CYP4B1: variants seen among roughly 807,000 people sequenced by gnomAD.
CYP4B1 encodes cytochrome P450 family 4 subfamily B member 1, also known as cytochrome P450 4B1.
CYP4B1 carries 45 observed loss-of-function variants against 54.0 expected under a neutral mutation model. The ratio of observed to expected loss-of-function variants is 0.83; its 90% confidence interval spans 0.66 to 1.07. The LOEUF is 1.07. Ranked by LOEUF, CYP4B1 falls within the 50% of genes least tolerant of loss-of-function variation. The pLI, the probability that CYP4B1 is intolerant of heterozygous loss-of-function variation, is 0.00. For synonymous variants in CYP4B1, 248 were observed against 247.5 expected (o/e 1.00, Z -0.02); for missense variants, 656 against 655.4 (o/e 1.00, Z -0.01).
At chr1:46,800,484 C>T (rs1224093015) in intron 1 of CYP4B1, among the ~76,000 whole-genome samples, 1 of 151,938 alleles carries the variant, frequency 6.6e-6, no homozygotes, top group Non-Finnish European at 1.5e-5. Flanking sequence ...GCACGCGCCA[C>T]CATGCCTAGC....
At chr1:46,811,065 T>G in intron 2 of CYP4B1, 75 bp from the exon 3 acceptor site, 1 of 1,603,744 alleles carries the variant, frequency 6.2e-7, no homozygotes, top group Non-Finnish European at 8.5e-7. Flanking sequence ...GGAGCTGAGG[T>G]TCCCACCCTA....
intron 1 of CYP4B1, among the ~76,000 whole-genome samples, chr1:46,807,702 G>A (rs1360683575): frequency 6.6e-6 from 1 of 152,236 alleles, no homozygotes; most frequent in East Asian, 1.9e-4. Context: ...TCTGCGTTCA[G>A]AGGCAGTGAG....
rs1679405124 is a variant in CYP4B1, at chr1:46,818,014, A to G, written c.1257A>G (p.Val419=). 1.9e-6 allele frequency: 3 copies of G among 1,614,160 alleles called. No individual in the cohort carries two copies. Among genetic ancestry groups the G allele is most frequent in the Non-Finnish European group, 2.5e-6 (3 of 1,180,008 alleles). Residue 419 remains valine, a synonymous_variant, in exon 10 of 12, where the codon GTA becomes GTG. Coordinates refer to ENST00000371923, the MANE Select transcript of CYP4B1 (RefSeq NM_001099772.2). The part of the protein sequence containing the change: ...HIYALHRNSA[V]WPDPEVFDSL... ...ATGCCCTCCATAGGAACAGTGCTGT[A>G]TGGCCCGACCCTGAGGTACCCTTTC...
At chr1:46,805,520 G>A (rs989412449) in intron 1 of CYP4B1, among the ~76,000 whole-genome samples, 1 of 152,212 alleles carries the variant, frequency 6.6e-6, no homozygotes, top group Admixed American at 6.5e-5. Context: ...ATGTACATGT[G>A]TAATGGTTTA....
Position 46,817,131 on chromosome 1 carries a change from G to A in CYP4B1, c.1157G>A (p.Arg386His), listed in dbSNP as rs767511721. Residue 386 changes from arginine (R) to histidine (H), a missense_variant, in exon 9 of 12, where the codon CGC becomes CAC. Transcript: ENST00000371923. ...TACCCACCTGTGCCCCAGGTGTACC[G>A]CCAGCTCAGCAAGCCTGTCACCTTT... is the stretch of plus-strand genomic sequence containing the variant. Reference protein sequence around the residue: ...RLYPPVPQVYRQLSKPVTFVD... With the variant: ...RLYPPVPQVYHQLSKPVTFVD... The A allele has an allele frequency of 4.9e-5, 79 of 1,614,060 alleles. No individual in the cohort carries two copies. Among genetic ancestry groups the A allele is most frequent in the South Asian group, 5.5e-5 (5 of 91,082 alleles).
chr1:46,813,517 C>G lies in CYP4B1; in HGVS notation c.531C>G (p.Ser177=), dbSNP rs917914481. The G allele has an allele frequency of 3.7e-6, 6 of 1,614,062 alleles. No individual in the cohort carries two copies. The highest frequency in any genetic ancestry group is 5.1e-6 in the Non-Finnish European group (6 of 1,180,046). ...AAGAGAAAGCTCGGGAGGGTAAGTC[C>G]TTTGACATCTTCTGCGATGTGGGTC... ...KWEEKAREGK[S]FDIFCDVGHM... is the part of the protein sequence containing the mutation. Residue 177 remains serine, a synonymous_variant, in exon 5 of 12, where the codon TCC becomes TCG. Coordinates refer to ENST00000371923, the MANE Select transcript of CYP4B1 (RefSeq NM_001099772.2).
intron 9 of CYP4B1, 62 bp from the exon 10 acceptor site, chr1:46,817,903 T>C: frequency 6.8e-7 from 1 of 1,469,250 alleles, no homozygotes; most frequent in South Asian, 1.1e-5. Context: ...ACTCTGACCT[T>C]ATGTGGAGGT....
intron 4 of CYP4B1, 132 bp from the exon 5 acceptor site, chr1:46,813,350 G>A: frequency 1.9e-6 from 2 of 1,071,794 alleles, no homozygotes; most frequent in Non-Finnish European, 2.8e-6. Context: ...GGGCAGGACA[G>A]GGACTGGGAG....
chr1:46,812,711 G>A, intron 4 of CYP4B1, 88 bp downstream of exon 4: 1 of 1,443,944 alleles, frequency 6.9e-7, no homozygotes, highest in Non-Finnish European at 9.5e-7. Context: ...AGAGTAGGTG[G>A]TGCTCTGCAG....
chr1:46,817,386 G>A (rs1679379637), intron 9 of CYP4B1: 2 of 614,324 alleles, frequency 3.3e-6, no homozygotes, highest in African/African-American at 1.8e-5. Flanking sequence ...AAATGGGGAT[G>A]AGAAGAGTAT....
rs752264492 is a variant in CYP4B1 at position 46,813,486 on chromosome 1, A to T, written c.500A>T (p.Lys167Met). 5.6e-6 allele frequency: 9 copies of T among 1,614,020 alleles called. No individual in the cohort carries two copies. The highest frequency in any genetic ancestry group is 7.6e-6 in the Non-Finnish European group (9 of 1,180,024). Residue 167 changes from lysine to methionine, a missense_variant, in exon 5 of 12, where the codon AAG becomes ATG. By Grantham distance (95) the Lys-to-Met change is moderately conservative (BLOSUM62 -1). Coordinates refer to ENST00000371923, the MANE Select transcript of CYP4B1 (RefSeq NM_001099772.2). ...CCTCCTATCCCTGGACTCCAGGACA[A>T]GTGGGAAGAGAAAGCTCGGGAGGGT... ...FTESTRIMLD[K>M]WEEKAREGKS...
rs765862813 is a variant in CYP4B1 at position 46,812,612 on chromosome 1, C to A, written c.484C>A (p.Arg162Ser). 1 of 1,613,882 alleles carries A rather than the reference C, an allele frequency of 6.2e-7. No homozygotes were observed. The highest frequency in any genetic ancestry group is 1.7e-5 in the Admixed American group (1 of 59,994). Residue 162 changes from arginine (R) to serine (S), a missense_variant, in exon 4 of 12, where the codon CGT becomes AGT. Physicochemically the swap from Arg to Ser is moderately radical, Grantham distance 110. Transcript: ENST00000371923. ...TGTGGCCGTGTTCACTGAGTCTACA[C>A]GTATCATGCTGGTGAGCTCCCTGTG... ...PYVAVFTEST[R>S]IMLDKWEEKA...
At position 46,811,146 on chromosome 1, in the gene CYP4B1, AG is replaced by A. The variant is rs1298938997; in HGVS notation, c.331del (p.Ala111ProfsTer40). ...AKAVYSRGDPKAPDVYDFFLQ... is the reference protein window; with the variant it reads ...AKAVYSRGDPXAPDVYDFFLQ... Reference sequence around the variant, plus strand: ...TGATTGTCTCCTCCTGCAGACCCTAAGGCCCCTGATGTGTATGACTTCTTCC... The same window carrying A: ...TGATTGTCTCCTCCTGCAGACCCTAAGCCCCTGATGTGTATGACTTCTTCC... On this transcript the variant is annotated frameshift_variant, in exon 3 of 12. Coordinates refer to ENST00000371923, the MANE Select transcript of CYP4B1 (RefSeq NM_001099772.2). LOFTEE classifies it high-confidence loss of function. 1 of 1,614,008 alleles carries A rather than the reference AG, an allele frequency of 6.2e-7. No individual in the cohort carries two copies. The highest frequency in any genetic ancestry group is 1.3e-5 in the African/African-American group (1 of 74,906).
chr1:46,801,889 G>C (rs1230620936), intron 1 of CYP4B1, among the ~76,000 whole-genome samples: 1 of 152,192 alleles, frequency 6.6e-6, no homozygotes, highest in Non-Finnish European at 1.5e-5. Context: ...GCAATGATGG[G>C]AGTAGGAAGG....
rs1317898179 is a variant in CYP4B1, at chr1:46,812,476, C to G, written c.368-20C>G. ...CAGGGCCTGGACTGACCAGCCCTCTCTCTCCCATCCCTTCCCCAGGGAGAG... is the reference window on the plus strand; with the variant it reads ...CAGGGCCTGGACTGACCAGCCCTCTGTCTCCCATCCCTTCCCCAGGGAGAG... On this transcript the variant is annotated intron_variant, in intron 3 of 11. Coordinates refer to ENST00000371923, the MANE Select transcript of CYP4B1 (RefSeq NM_001099772.2). 1 of 1,606,080 alleles carries G rather than the reference C, an allele frequency of 6.2e-7. No individual in the cohort carries two copies. Among genetic ancestry groups the G allele is most frequent in the Non-Finnish European group, 8.5e-7 (1 of 1,176,082 alleles).
At chr1:46,818,556 T>C in intron 11 of CYP4B1, 75 bp from the exon 12 acceptor site, 1 of 1,455,428 alleles carries the variant, frequency 6.9e-7, no homozygotes, top group South Asian at 1.2e-5. Flanking sequence ...TGACTTTTGT[T>C]GGCTGCTAAG....
rs544482905 is a variant in CYP4B1 at position 46,804,414 on chromosome 1, G to A, written c.180+5153G>A. On this transcript the variant is annotated intron_variant, in intron 1 of 11. Transcript: ENST00000371923. ...TGGAGGAGGAAGCTGAACAAAGGGA[G>A]GTTTGGTTTCATTTTCTTTCTTTTT... Among the ~76,000 whole-genome samples, 4 of 151,962 alleles carry A rather than the reference G, an allele frequency of 2.6e-5. No homozygotes were observed. In the South Asian group the frequency reaches 8.3e-4, roughly 32 times the overall value.
chr1:46,817,145 C>G lies in CYP4B1; in HGVS notation c.1171C>G (p.Pro391Ala). The G allele has an allele frequency of 1.2e-6, 2 of 1,614,192 alleles. No homozygotes were observed. The highest frequency in any genetic ancestry group is 1.7e-6 in the Non-Finnish European group (2 of 1,180,020). Residue 391 changes from proline to alanine, a missense_variant, in exon 9 of 12, where the codon CCT becomes GCT. Pro to Ala is a conservative substitution (Grantham distance 27, BLOSUM62 -1). Coordinates refer to ENST00000371923, the MANE Select transcript of CYP4B1 (RefSeq NM_001099772.2). Reference protein sequence around the residue: ...VPQVYRQLSKPVTFVDGRSLP... With the variant: ...VPQVYRQLSKAVTFVDGRSLP... ...CCAGGTGTACCGCCAGCTCAGCAAG[C>G]CTGTCACCTTTGTGGATGGCCGGTC...
chr1:46,810,641 G>A (rs1232069523), intron 1 of CYP4B1, among the ~76,000 whole-genome samples, 167 bp from the exon 2 acceptor site: 1 of 152,150 alleles, frequency 6.6e-6, no homozygotes, highest in African/African-American at 2.4e-5. Flanking sequence ...TTGTGGGGCT[G>A]GAGAGGGGAC....
Sources: gnomAD v4.1 joint callset for allele counts (sites outside exome capture counted in the v4.1 genomes callset) on GRCh38, gnomAD v4.1.1 for gene constraint, MANE v1.5 for transcripts, NCBI Gene and HGNC (gene_info 2026-07-23, HGNC 2026-07-21) for gene names.